AGMAT: variants seen among roughly 807,000 people sequenced by gnomAD.
AGMAT encodes the protein agmatinase (putative).
Under a neutral mutation model 29.3 loss-of-function variants are expected in AGMAT, and 37 were observed. That is an observed-to-expected ratio of 1.26 (90% CI 0.97 to 1.66). The LOEUF is 1.66. Ranked by LOEUF, AGMAT falls within the 40% of genes most tolerant of loss-of-function variation. The probability of loss-of-function intolerance (pLI) is 0.00; values close to 1 mark genes in which losing one functional copy is unlikely to be tolerated. For synonymous variants in AGMAT, 199 were observed against 200.8 expected (o/e 0.99, Z 0.08); for missense variants, 498 against 497.8 (o/e 1.00, Z 0.00).
rs373935549 is a variant in AGMAT, at chr1:15,583,341, A to G, written c.327T>C (p.Pro109=). ...EESVMLGTVN[P]STGALPFQSL... Reference sequence around the variant, plus strand: ...ACTGGAAGGGGAGGGCCCCCGTGCTAGGATTGACTGTCCCAAGCATCACTG... The same window carrying G: ...ACTGGAAGGGGAGGGCCCCCGTGCTGGGATTGACTGTCCCAAGCATCACTG... The change falls in exon 2 of 7, where the codon CCT becomes CCC. Residue 109 remains proline (P), a synonymous_variant. Transcript: ENST00000375826. 11 of 1,614,022 alleles carry G rather than the reference A, an allele frequency of 6.8e-6. No individual in the cohort carries two copies. Among genetic ancestry groups the G allele is most frequent in the Admixed American group, 3.3e-5 (2 of 59,992 alleles).
chr1:15,580,199 A>ATTT (rs1639092418), intron 2 of AGMAT, 57 bp from the exon 3 acceptor site: 4 of 1,035,948 alleles, frequency 3.9e-6, no homozygotes, highest in Admixed American at 5.2e-5. Flanking sequence ...ACATAGAATA[A>ATTT]TCTTTTTTTT....
At chr1:15,580,201 C>CTTTTTTTT (rs34166013) in intron 2 of AGMAT, 59 bp from the exon 3 acceptor site, 9 of 569,090 alleles carry the variant, frequency 1.6e-5, no homozygotes, top group East Asian at 3.7e-5. Context: ...ATAGAATAAT[C>CTTTTTTTT]TTTTTTTTTT....
Position 15,574,850 on chromosome 1 carries a change from G to A in AGMAT, c.901-9C>T, listed in dbSNP as rs1639013247. The A allele has an allele frequency of 1.9e-6, 3 of 1,610,404 alleles. No homozygotes were observed. The highest frequency in any genetic ancestry group is 1.7e-5 in the Admixed American group (1 of 59,974). On this transcript the variant is annotated splice_polypyrimidine_tract_variant and intron_variant, in intron 5 of 6. Coordinates refer to ENST00000375826, the MANE Select transcript of AGMAT (RefSeq NM_024758.5). ...CTGATGATCTCCAGAGCCTATTCAA[G>A]ATCAAGACTGAGTTGTCCACAGTGG... is the stretch of plus-strand genomic sequence containing the variant.
chr1:15,580,159 G>T lies in AGMAT; in HGVS notation c.476-17C>A, dbSNP rs1324596060. The T allele has an allele frequency of 1.4e-6, 2 of 1,471,686 alleles. No homozygotes were observed. The highest frequency in any genetic ancestry group is 1.4e-5 in the African/African-American group (1 of 69,790). The allele number at this position is 1,471,686 out of a possible 1,614,324, so 91.2% of individuals were successfully genotyped here. On this transcript the variant is annotated splice_polypyrimidine_tract_variant and intron_variant, in intron 2 of 6. Transcript: ENST00000375826. ...GATCTCCACCTGCAAAGAGGAAGAAGAAAACATCTGGAAAGTGAATTGGAG... is the reference window on the plus strand; with the variant it reads ...GATCTCCACCTGCAAAGAGGAAGAATAAAACATCTGGAAAGTGAATTGGAG...
rs914510096 is a variant in AGMAT, at chr1:15,584,940, C to T, written c.28G>A (p.Ala10Thr). The change falls in exon 1 of 7, where the codon GCC (alanine) becomes ACC (threonine). Residue 10 changes from alanine (A) to threonine (T), a missense_variant. Transcript: ENST00000375826. MLRLLASGC[A>T]RGPGPGVGAR... ...CCCACGCCGGGCCCCGGGCCCCGGGCGCACCCGGACGCCAGCAGCCTCAGC... is the reference window on the plus strand; with the variant it reads ...CCCACGCCGGGCCCCGGGCCCCGGGTGCACCCGGACGCCAGCAGCCTCAGC... 2 of 1,363,824 alleles carry T rather than the reference C, an allele frequency of 1.5e-6. No homozygotes were observed. The highest frequency in any genetic ancestry group is 1.9e-6 in the Non-Finnish European group (2 of 1,066,894). The allele number at this position is 1,363,824 out of a possible 1,614,324, so 84.5% of individuals were successfully genotyped here. A position where few individuals can be genotyped will look rare whatever the true frequency, so the allele number is the denominator to read the frequency against.
Position 15,585,014 on chromosome 1 carries a change from G to A in AGMAT, c.-47C>T. ...CACCGACCAAACCGCCCGCGAGGCC[G>A]CCGCGATCTGGCTGGTCCCGAACGG... On this transcript the variant is annotated 5_prime_UTR_variant, in exon 1 of 7. Transcript: ENST00000375826. The A allele has an allele frequency of 1.6e-6, 2 of 1,281,086 alleles. No individual in the cohort carries two copies. The highest frequency in any genetic ancestry group is 2.0e-6 in the Non-Finnish European group (2 of 1,017,304). 79.4% of individuals were successfully genotyped at this position (1,281,086 alleles called of 1,614,324 possible).
chr1:15,573,438 C>G lies in AGMAT; in HGVS notation c.*213G>C. The G allele has an allele frequency of 3.8e-6, 2 of 531,220 alleles. No homozygotes were observed. The highest frequency in any genetic ancestry group is 6.9e-6 in the Non-Finnish European group (2 of 290,996). The allele number at this position is 531,220 out of a possible 1,614,324, so 32.9% of individuals were successfully genotyped here. A position where few individuals can be genotyped will look rare whatever the true frequency, so the allele number is the denominator to read the frequency against. Reference sequence around the variant, plus strand: ...AAAAAATCAAAGCAGTACAAGTACTCCTTTTTTTTTCCCCCAATTAATCCA... The same window carrying G: ...AAAAAATCAAAGCAGTACAAGTACTGCTTTTTTTTTCCCCCAATTAATCCA... On this transcript the variant is annotated 3_prime_UTR_variant, in exon 7 of 7. Transcript: ENST00000375826.
At chr1:15,583,687 G>A (rs1270256093) in intron 1 of AGMAT, among the ~76,000 whole-genome samples, 1 of 152,148 alleles carries the variant, frequency 6.6e-6, no homozygotes, top group Non-Finnish European at 1.5e-5. Context: ...GACTAAATAA[G>A]TGTACTAAAT....
chr1:15,571,914 G>A lies in AGMAT; in HGVS notation c.*1737C>T, dbSNP rs1269317344. On this transcript the variant is annotated 3_prime_UTR_variant, in exon 7 of 7. Coordinates refer to ENST00000375826, the MANE Select transcript of AGMAT (RefSeq NM_024758.5). The stretch of plus-strand genomic sequence containing the variant: ...GAGTAGATTGAGTCTTACAGGAAGT[G>A]AGTTACAATAAGTAACATTAAGAGC... 6.6e-6 allele frequency among the ~76,000 whole-genome samples: 1 copy of A among 152,086 alleles called. No homozygotes were observed. Among genetic ancestry groups the A allele is most frequent in the Non-Finnish European group, 1.5e-5 (1 of 68,010 alleles).
chr1:15,576,254 C>T (rs2103436541), intron 5 of AGMAT, among the ~76,000 whole-genome samples: 1 of 152,018 alleles, frequency 6.6e-6, no homozygotes, highest in East Asian at 1.9e-4. Flanking sequence ...AGGCATGCGC[C>T]ACCATGCCCG....
At position 15,572,351 on chromosome 1, in the gene AGMAT, G is replaced by GATT. The variant is rs1638965849; in HGVS notation, c.*1299_*1300insAAT. On this transcript the variant is annotated 3_prime_UTR_variant, in exon 7 of 7. Coordinates refer to ENST00000375826, the MANE Select transcript of AGMAT (RefSeq NM_024758.5). ...AGGCGTGAGCCACTGGGTCCGGCCT[G>GATT]CTTTTTTTTTTTTTTTTTTTTTTTT... is the stretch of plus-strand genomic sequence containing the variant. 1 of 84,588 alleles carries GATT rather than the reference G, an allele frequency of 1.2e-5. No individual in the cohort carries two copies. The highest frequency in any genetic ancestry group is 2.2e-5 in the Non-Finnish European group (1 of 46,134). The allele number at this position is 84,588 out of a possible 1,614,324, so 5.2% of individuals were successfully genotyped here. A position where few individuals can be genotyped will look rare whatever the true frequency, so the allele number is the denominator to read the frequency against.
chr1:15,578,092 GAGTGGGAAACAGC>G (rs1389601258), intron 4 of AGMAT, among the ~76,000 whole-genome samples: 1 of 152,250 alleles, frequency 6.6e-6, no homozygotes, highest in African/African-American at 2.4e-5. Context: ...GCTAAAGCAA[GAGTGGGAAACAGC>G]AGCTCACGCT....
chr1:15,584,603 G>T (rs984873655), intron 1 of AGMAT, 93 bp downstream of exon 1: 11 of 1,222,542 alleles, frequency 9.0e-6, no homozygotes, highest in African/African-American at 1.6e-5. Context: ...TCGACCCGGG[G>T]CCAGCAGGGG....
Position 15,574,784 on chromosome 1 carries a change from CG to C in AGMAT, c.957del (p.Glu320LysfsTer30), listed in dbSNP as rs1557595049. 2 of 1,613,928 alleles carry C rather than the reference CG, an allele frequency of 1.2e-6. No individual in the cohort carries two copies. Among genetic ancestry groups the C allele is most frequent in the Admixed American group, 1.7e-5 (1 of 59,994 alleles). On this transcript the variant is annotated frameshift_variant, in exon 6 of 7. Transcript: ENST00000375826. LOFTEE classifies it high-confidence loss of function. ...GAAAGATCATACGGTGGTGAAACTT[CG>C]ACAAGATCACAGCCCATCACGTTCA... ...QGLNVMGCDLVEVSPPYDLSG... is the reference protein window; with the variant it reads ...QGLNVMGCDLXEVSPPYDLSG...
At position 15,584,889 on chromosome 1, in the gene AGMAT, G is replaced by C. The variant is rs866387652; in HGVS notation, c.79C>G (p.His27Asp). 7 of 1,404,054 alleles carry C rather than the reference G, an allele frequency of 5.0e-6. No homozygotes were observed. Among genetic ancestry groups the C allele is most frequent in the African/African-American group, 3.0e-5 (2 of 66,252 alleles). 87.0% of individuals were successfully genotyped at this position (1,404,054 alleles called of 1,614,324 possible). ...TGGCGGCTCTGGCGGCGCCCCGGAT[G>C]AAAGAGCCCTGCGGCAGGACGCGCG... The part of the protein sequence containing the change: ...VGARPAAGLF[H>D]PGRRQSRQAS... Residue 27 changes from histidine (H) to aspartate (D), a missense_variant, in exon 1 of 7, where the codon CAT becomes GAT. Physicochemically the swap from His to Asp is moderately conservative, Grantham distance 81 (BLOSUM62 -1). Transcript: ENST00000375826.
intron 1 of AGMAT, among the ~76,000 whole-genome samples, 155 bp downstream of exon 1, chr1:15,584,541 C>T (rs1639158538): frequency 6.6e-6 from 1 of 152,058 alleles, no homozygotes; most frequent in South Asian, 2.1e-4. Flanking sequence ...CCAGGTAAAT[C>T]AACCATCTCA....
At chr1:15,580,973 C>T (rs1639105670) in intron 2 of AGMAT, among the ~76,000 whole-genome samples, 1 of 151,328 alleles carries the variant, frequency 6.6e-6, no homozygotes, top group Non-Finnish European at 1.5e-5. Context: ...GAAACTCCAT[C>T]TCAAAAAATA....
chr1:15,575,729 T>TTTTATTTA (rs78080274), intron 5 of AGMAT: 5,138 of 142,744 alleles, frequency 0.036, 131 homozygotes, highest in East Asian at 0.065. Context: ...TCACATGCAC[T>TTTTATTTA]TTTATTTATT....
intron 2 of AGMAT, 147 bp from the exon 3 acceptor site, chr1:15,580,289 T>G: frequency 1.5e-6 from 1 of 653,246 alleles, no homozygotes; most frequent in East Asian, 2.9e-5. Context: ...CACTGCAACC[T>G]CTGCCTCCCA....
Sources: gnomAD v4.1 joint callset for allele counts (sites outside exome capture counted in the v4.1 genomes callset) on GRCh38, gnomAD v4.1.1 for gene constraint, MANE v1.5 for transcripts, NCBI Gene and HGNC (gene_info 2026-07-23, HGNC 2026-07-21) for gene names.